The following TEKT4 variants were observed in gnomAD, a reference collection of about 807,000 sequenced individuals.
TEKT4 encodes the protein tektin 4.
TEKT4 carries 46 observed loss-of-function variants against 46.0 expected under a neutral mutation model. That is an observed-to-expected ratio of 1.00 (90% CI 0.79 to 1.28). The LOEUF is 1.28. Ranked by LOEUF, TEKT4 falls within the 50% of genes most tolerant of loss-of-function variation. TEKT4 has a pLI of 0.00. For synonymous variants in TEKT4, 325 were observed against 265.8 expected (o/e 1.22, Z -2.17); for missense variants, 790 against 622.9 (o/e 1.27, Z -2.85).
At position 94,875,010 on chromosome 2, in the gene TEKT4, T is replaced by A; in HGVS notation, c.936+12T>A. The A allele has an allele frequency of 6.3e-7, 1 of 1,583,528 alleles. No homozygotes were observed. The highest frequency in any genetic ancestry group is 1.3e-5 in the African/African-American group (1 of 74,390). On this transcript the variant is annotated intron_variant, in intron 4 of 5. Coordinates refer to ENST00000295201, the MANE Select transcript of TEKT4 (RefSeq NM_144705.4). ...ACCACCTGCACAAGGTGGGGCACCCTGAACCCCGAAGACGGCCCCCTCTCA... is the reference window on the plus strand; with the variant it reads ...ACCACCTGCACAAGGTGGGGCACCCAGAACCCCGAAGACGGCCCCCTCTCA...
intron 1 of TEKT4, 57 bp downstream of exon 1, chr2:94,872,134 C>CCT: frequency 6.8e-7 from 1 of 1,475,770 alleles, no homozygotes; most frequent in South Asian, 1.4e-5. Context: ...GAGCCCCCCC[C>CCT]CCCGCAGTTC....
At position 94,874,798 on chromosome 2, in the gene TEKT4, G is replaced by A. The variant is rs77532459; in HGVS notation, c.736G>A (p.Ala246Thr). The change falls in exon 4 of 6, where the codon GCC becomes ACC. Residue 246 changes from alanine to threonine, a missense_variant. Transcript: ENST00000295201. ...QESASTPETR[A>T]KFTQDNLCRA... ...CAGCGCCTCCACCCCGGAGACCCGG[G>A]CCAAGTTCACGCAGGACAATCTGTG... is the stretch of plus-strand genomic sequence containing the variant. 8 of 1,592,126 alleles carry A rather than the reference G, an allele frequency of 5.0e-6. No individual in the cohort carries two copies. The African/African-American group carries it at 9.4e-5, about 19-fold the overall frequency.
chr2:94,873,967 T>C lies in TEKT4; in HGVS notation c.572T>C (p.Leu191Pro), dbSNP rs1553395513. Reference sequence around the variant, plus strand: ...GGCCCTGCCCCACCCCGCCCCAGACTGAACCGGGAGCACAAGGAGACCTGC... The same window carrying C: ...GGCCCTGCCCCACCCCGCCCCAGACCGAACCGGGAGCACAAGGAGACCTGC... ...TIMQAVSQIRLNREHKETCEM... is the reference protein window; with the variant it reads ...TIMQAVSQIRPNREHKETCEM... Residue 191 changes from leucine (L) to proline (P), a missense_variant and splice_region_variant, in exon 3 of 6, where the codon CTG becomes CCG. Coordinates refer to ENST00000295201, the MANE Select transcript of TEKT4 (RefSeq NM_144705.4). 1 of 1,563,620 alleles carries C rather than the reference T, an allele frequency of 6.4e-7. No individual in the cohort carries two copies. Among genetic ancestry groups the C allele is most frequent in the Non-Finnish European group, 8.7e-7 (1 of 1,148,070 alleles).
intron 1 of TEKT4, 106 bp from the exon 2 acceptor site, chr2:94,873,414 C>T (rs1255537004): frequency 3.8e-6 from 6 of 1,583,894 alleles, no homozygotes; most frequent in Non-Finnish European, 4.3e-6. Flanking sequence ...GCCCGGCATT[C>T]AACTCCTTGT....
intron 1 of TEKT4, 186 bp from the exon 2 acceptor site, chr2:94,873,334 A>C: frequency 6.9e-7 from 1 of 1,447,882 alleles, no homozygotes; most frequent in Non-Finnish European, 9.1e-7. Context: ...CTTACAACGC[A>C]CCAAGGAGAA....
Position 94,875,014 on chromosome 2 carries a change from C to T in TEKT4, c.936+16C>T, listed in dbSNP as rs377087068. ...CCTGCACAAGGTGGGGCACCCTGAA[C>T]CCCGAAGACGGCCCCCTCTCATCAC... On this transcript the variant is annotated intron_variant, in intron 4 of 5. Transcript: ENST00000295201. The T allele has an allele frequency of 4.4e-6, 7 of 1,574,166 alleles. No homozygotes were observed. The highest frequency in any genetic ancestry group is 2.3e-5 in the East Asian group (1 of 43,074).
Position 94,872,439 on chromosome 2 carries a change from G to C in TEKT4, c.498+362G>C, listed in dbSNP as rs1680619870. The C allele has an allele frequency of 4.1e-5, 16 of 389,232 alleles. No homozygotes were observed. The South Asian group carries it at 4.5e-4, about 11-fold the overall frequency. The allele number at this position is 389,232 out of a possible 1,614,324, so 24.1% of individuals were successfully genotyped here. ...CCAGGTCTGGGCCAGCACTGCAGGTGTGGACAGGTAAGGTGGGGTGGGCTG... is the reference window on the plus strand; with the variant it reads ...CCAGGTCTGGGCCAGCACTGCAGGTCTGGACAGGTAAGGTGGGGTGGGCTG... On this transcript the variant is annotated intron_variant, in intron 1 of 5. Transcript: ENST00000295201.
At chr2:94,873,020 A>T (rs1558605200) in intron 1 of TEKT4, 1 of 1,289,454 alleles carries the variant, frequency 7.8e-7, no homozygotes, top group Non-Finnish European at 1.0e-6. Context: ...ATCACAGAGA[A>T]AAGGCTTGTT....
rs1680668607 is a variant in TEKT4, at chr2:94,873,424, T to G, written c.499-96T>G. ...CTCAGGCCCGGCATTCAACTCCTTG[T>G]GGTTGCTCAGGTGTTGACCAAGGCC... On this transcript the variant is annotated intron_variant, in intron 1 of 5. Transcript: ENST00000295201. 1.9e-6 allele frequency: 3 copies of G among 1,595,646 alleles called. No individual in the cohort carries two copies. In the South Asian group the frequency reaches 3.4e-5, roughly 18 times the overall value.
At position 94,871,500 on chromosome 2, in the gene TEKT4, C is replaced by CTGACCGCACTAG; in HGVS notation, c.-80_-79insTGACCGCACTAG. 4 of 1,453,522 alleles carry CTGACCGCACTAG rather than the reference C, an allele frequency of 2.8e-6. No homozygotes were observed. Among genetic ancestry groups the CTGACCGCACTAG allele is most frequent in the Non-Finnish European group, 3.6e-6 (4 of 1,103,702 alleles). 90.0% of individuals were successfully genotyped at this position (1,453,522 alleles called of 1,614,324 possible). On this transcript the variant is annotated 5_prime_UTR_variant, in exon 1 of 6. Coordinates refer to ENST00000295201, the MANE Select transcript of TEKT4 (RefSeq NM_144705.4). ...TGGGACTGAGCCGTTGGAGCTGCCCCGCTGACCGCACTAGGCTGACCGCAA... is the reference window on the plus strand; with the variant it reads ...TGGGACTGAGCCGTTGGAGCTGCCCCTGACCGCACTAGGCTGACCGCACTAGGCTGACCGCAA...
chr2:94,875,544 C>G, intron 4 of TEKT4, 44 bp from the exon 5 acceptor site: 1 of 1,611,226 alleles, frequency 6.2e-7, no homozygotes, highest in South Asian at 1.1e-5. Context: ...TCTATATACC[C>G]GGGCATGGGG....
chr2:94,872,492 C>A, intron 1 of TEKT4: 1 of 325,226 alleles, frequency 3.1e-6, no homozygotes, highest in Non-Finnish European at 6.0e-6. Context: ...TCATCCTATA[C>A]AGAGCCGGGG....
At position 94,872,042 on chromosome 2, in the gene TEKT4, C is replaced by T; in HGVS notation, c.463C>T (p.Leu155Phe). The T allele has an allele frequency of 6.4e-7, 1 of 1,556,844 alleles. No individual in the cohort carries two copies. The highest frequency in any genetic ancestry group is 8.7e-7 in the Non-Finnish European group (1 of 1,151,368). The change falls in exon 1 of 6, where the codon CTC becomes TTC. Residue 155 changes from leucine (L) to phenylalanine (F), a missense_variant. Physicochemically the swap from Leu to Phe is conservative, Grantham distance 22. Coordinates refer to ENST00000295201, the MANE Select transcript of TEKT4 (RefSeq NM_144705.4). ...QCRERREHPNLVRDHVETELL... is the reference protein window; with the variant it reads ...QCRERREHPNFVRDHVETELL... The stretch of plus-strand genomic sequence containing the variant: ...CCGTGAGCGCCGCGAGCACCCCAAC[C>T]TCGTGCGCGACCATGTGGAAACGGA...
At chr2:94,872,787 T>C in intron 1 of TEKT4, 1 of 1,284,072 alleles carries the variant, frequency 7.8e-7, no homozygotes, top group Non-Finnish European at 1.0e-6. Flanking sequence ...CCCTCATGCC[T>C]TCCCTCCTCC....
intron 1 of TEKT4, 159 bp from the exon 2 acceptor site, chr2:94,873,361 A>G (rs1680664813): frequency 4.1e-6 from 6 of 1,474,852 alleles, no homozygotes; most frequent in Non-Finnish European, 5.4e-6. Flanking sequence ...AAAGCCCAAG[A>G]TAAACCCAGT....
At position 94,876,808 on chromosome 2, in the gene TEKT4, C is replaced by T. The variant is rs782811218; in HGVS notation, c.*39C>T. 7.0e-6 allele frequency: 11 copies of T among 1,569,818 alleles called. No individual in the cohort carries two copies. Among genetic ancestry groups the T allele is most frequent in the Non-Finnish European group, 9.5e-6 (11 of 1,155,872 alleles). ...GCTTCCCCCCAGTCCCCCAAATAAA[C>T]AGCGCGTTAGCTTTCTGCACAGTGT... On this transcript the variant is annotated 3_prime_UTR_variant, in exon 6 of 6. Coordinates refer to ENST00000295201, the MANE Select transcript of TEKT4 (RefSeq NM_144705.4).
At chr2:94,874,401 C>T (rs1435319977) in intron 3 of TEKT4, among the ~76,000 whole-genome samples, 1 of 151,968 alleles carries the variant, frequency 6.6e-6, no homozygotes, top group Non-Finnish European at 1.5e-5. Context: ...CCACCGCCCA[C>T]TAGAGGGCGG....
chr2:94,873,429 G>T (rs1384838430), intron 1 of TEKT4, 91 bp from the exon 2 acceptor site: 2 of 1,599,230 alleles, frequency 1.3e-6, no homozygotes, highest in Non-Finnish European at 1.7e-6. Flanking sequence ...CCTTGTGGTT[G>T]CTCAGGTGTT....
chr2:94,876,114 T>C (rs1318719232), intron 5 of TEKT4, among the ~76,000 whole-genome samples: 5 of 152,212 alleles, frequency 3.3e-5, no homozygotes, highest in Non-Finnish European at 7.3e-5. Context: ...TCCACACCTC[T>C]GGTGGGAAGT....
Sources: allele counts gnomAD v4.1 joint callset (sites outside exome capture counted in the v4.1 genomes callset), GRCh38; gene constraint gnomAD v4.1.1; transcripts MANE v1.5; gene names NCBI Gene and HGNC (gene_info 2026-07-23, HGNC 2026-07-21).